The following RAB36 variants were observed in gnomAD, a reference collection of about 807,000 sequenced individuals.
RAB36 encodes RAB36, member RAS oncogene family.
In RAB36, 33 loss-of-function variants were observed where a neutral mutation model predicts 39.3. That is an observed-to-expected ratio of 0.84 (90% CI 0.64 to 1.12). The LOEUF is 1.12. Ranked by LOEUF, RAB36 falls within the 50% of genes most tolerant of loss-of-function variation. The pLI, the probability that RAB36 is intolerant of heterozygous loss-of-function variation, is 0.00. For synonymous variants in RAB36, 133 were observed against 140.2 expected (o/e 0.95, Z 0.36); for missense variants, 308 against 355.3 (o/e 0.87, Z 1.07).
At chr22:23,154,983 G>A (rs1331588342) in intron 5 of RAB36, among the ~76,000 whole-genome samples, 1 of 152,156 alleles carries the variant, frequency 6.6e-6, no homozygotes. Flanking sequence ...AAATTAGCCA[G>A]GCACAGTGGT....
At position 23,158,933 on chromosome 22, in the gene RAB36, C is replaced by T. The variant is rs1208533043; in HGVS notation, c.482C>T (p.Ala161Val). 1.9e-6 allele frequency: 3 copies of T among 1,614,090 alleles called. No individual in the cohort carries two copies. The highest frequency in any genetic ancestry group is 1.7e-6 in the Non-Finnish European group (2 of 1,180,022). The change falls in exon 8 of 11, where the codon GCA (alanine) becomes GTA (valine). Residue 161 changes from alanine (A) to valine (V), a missense_variant. Coordinates refer to ENST00000263116, the MANE Select transcript of RAB36 (RefSeq NM_004914.5). The stretch of plus-strand genomic sequence containing the variant: ...GAGGATGCTCTGAGGGAGAACGAGG[C>T]AGGCTCCTGCTTCATCTTCCTCGTG... ...WLEDALRENE[A>V]GSCFIFLVGT...
intron 3 of RAB36, 31 bp from the exon 4 acceptor site, chr22:23,152,430 C>T: frequency 6.8e-6 from 11 of 1,612,788 alleles, no homozygotes; most frequent in Non-Finnish European, 9.3e-6. Flanking sequence ...GGAAGGCATG[C>T]CCGACGGCAA....
Position 23,161,551 on chromosome 22 carries a change from T to TGGGCTGC in RAB36, c.792_798dup (p.Cys267GlyfsTer24), listed in dbSNP as rs756128191. ...CAGGAGAGCAAGAGGCCCTCCAGCC[T>TGGGCTGC]GGGCTGCTGCTAACTGGGGCCTGCG... On this transcript the variant is annotated frameshift_variant, in exon 11 of 11. Coordinates refer to ENST00000263116, the MANE Select transcript of RAB36 (RefSeq NM_004914.5). LOFTEE classifies it high-confidence loss of function. 6.2e-7 allele frequency: 1 copy of TGGGCTGC among 1,611,396 alleles called. No homozygotes were observed. The highest frequency in any genetic ancestry group is 8.5e-7 in the Non-Finnish European group (1 of 1,178,974).
chr22:23,160,965 G>A lies in RAB36; in HGVS notation c.706G>A (p.Ala236Thr), dbSNP rs1030081324. The A allele has an allele frequency of 3.7e-6, 6 of 1,613,000 alleles. No homozygotes were observed. The African/African-American group carries it at 6.7e-5, about 18-fold the overall frequency. ...GCAGGACCTGGAGAGGCAGAGCAGTGCCCGGCTCCAGGTCGGCAATGGAGA... is the reference window on the plus strand; with the variant it reads ...GCAGGACCTGGAGAGGCAGAGCAGTACCCGGCTCCAGGTCGGCAATGGAGA... ...VLQDLERQSSARLQVGNGDLI... is the reference protein window; with the variant it reads ...VLQDLERQSSTRLQVGNGDLI... Residue 236 changes from alanine to threonine, a missense_variant, in exon 10 of 11, where the codon GCC (alanine) becomes ACC (threonine). Ala to Thr is a moderately conservative substitution (Grantham distance 58). Coordinates refer to ENST00000263116, the MANE Select transcript of RAB36 (RefSeq NM_004914.5).
rs760006946 is a variant in RAB36, at chr22:23,158,956, G to GT, written c.506dup (p.Thr171AsnfsTer12). The stretch of plus-strand genomic sequence containing the variant: ...GGCAGGCTCCTGCTTCATCTTCCTC[G>GT]TGGGAACCAAGAAGGACCTTCTGGT... On this transcript the variant is annotated frameshift_variant, in exon 8 of 11. Transcript: ENST00000263116. LOFTEE classifies it high-confidence loss of function. The GT allele has an allele frequency of 4.3e-6, 7 of 1,614,200 alleles. No homozygotes were observed. Among genetic ancestry groups the GT allele is most frequent in the Non-Finnish European group, 5.9e-6 (7 of 1,180,014 alleles).
intron 7 of RAB36, 71 bp downstream of exon 7, chr22:23,158,114 C>G: frequency 6.3e-7 from 1 of 1,594,584 alleles, no homozygotes; most frequent in Middle Eastern, 1.7e-4. Flanking sequence ...CTCCCAGACC[C>G]TGGCCAGTGG....
chr22:23,161,076 G>T, intron 10 of RAB36, 78 bp downstream of exon 10: 1 of 1,505,246 alleles, frequency 6.6e-7, no homozygotes, highest in East Asian at 2.3e-5. Context: ...CTCGTCACCT[G>T]AGGCCTTGCC....
In RAB36 at chr22:23,159,181, C is replaced by G. The variant is rs775437560; in HGVS notation, c.547C>G (p.Gln183Glu). The G allele has an allele frequency of 6.2e-7, 1 of 1,611,174 alleles. No homozygotes were observed. Among genetic ancestry groups the G allele is most frequent in the Admixed American group, 1.7e-5 (1 of 59,764 alleles). The change falls in exon 9 of 11, where the codon CAG (glutamine) becomes GAG (glutamate). Residue 183 changes from glutamine to glutamate, a missense_variant. Coordinates refer to ENST00000263116, the MANE Select transcript of RAB36 (RefSeq NM_004914.5). ...KDLLSGAACE[Q>E]AEADAVHLAR... is the part of the protein sequence containing the mutation. ...CTCCCAGTCAGGGGCCGCATGTGAGCAGGCCGAAGCAGACGCTGTGCACCT... is the reference window on the plus strand; with the variant it reads ...CTCCCAGTCAGGGGCCGCATGTGAGGAGGCCGAAGCAGACGCTGTGCACCT...
chr22:23,158,753 C>T lies in RAB36; in HGVS notation c.447-145C>T, dbSNP rs1239137204. On this transcript the variant is annotated intron_variant, in intron 7 of 10. Transcript: ENST00000263116. ...CCCTTCCGGCTGGAGGTGCAGCATC[C>T]TGCTCAGCCAGTGTGGGCCAGGAAG... The T allele has an allele frequency of 9.9e-6, 7 of 709,422 alleles. No homozygotes were observed. In the Admixed American group the frequency reaches 1.3e-4, roughly 13 times the overall value. 43.9% of individuals were successfully genotyped at this position (709,422 alleles called of 1,614,324 possible).
rs558565581 is a variant in RAB36, at chr22:23,145,659, C to A, written c.-13+108C>A. On this transcript the variant is annotated intron_variant, in intron 1 of 10. Transcript: ENST00000263116. The stretch of plus-strand genomic sequence containing the variant: ...CACAGCGTCCGCGCCCACTTCCCGC[C>A]CCTATAACTTGAAAGCGGCCTGCGG... 17 of 1,280,410 alleles carry A rather than the reference C, an allele frequency of 1.3e-5. No individual in the cohort carries two copies. In the Admixed American group the frequency reaches 1.8e-4, roughly 14 times the overall value. 79.3% of individuals were successfully genotyped at this position (1,280,410 alleles called of 1,614,324 possible).
intron 5 of RAB36, 31 bp from the exon 6 acceptor site, chr22:23,155,937 C>A: frequency 6.3e-7 from 1 of 1,587,098 alleles, no homozygotes; most frequent in Non-Finnish European, 8.6e-7. Context: ...AGCCTGACAC[C>A]ATTTCCCTTT....
intron 6 of RAB36, among the ~76,000 whole-genome samples, chr22:23,156,925 T>C (rs1316515152): frequency 1.3e-5 from 2 of 152,128 alleles, no homozygotes; most frequent in Non-Finnish European, 2.9e-5. Context: ...GTTTCCCCCT[T>C]CCTTTCTCTT....
At position 23,146,607 on chromosome 22, in the gene RAB36, CTG is replaced by C. The variant is rs1376106412; in HGVS notation, c.-7_-6del. 2 of 1,613,776 alleles carry C rather than the reference CTG, an allele frequency of 1.2e-6. No homozygotes were observed. The highest frequency in any genetic ancestry group is 2.7e-5 in the African/African-American group (2 of 74,894). On this transcript the variant is annotated 5_prime_UTR_variant, in exon 2 of 11. Coordinates refer to ENST00000263116, the MANE Select transcript of RAB36 (RefSeq NM_004914.5). ...CTTTCTCCTGGTTGGGTCCACAGGA[CTG>C]TGGAAGAATGAGGTCCTCCCTGACA... is the stretch of plus-strand genomic sequence containing the variant.
At chr22:23,152,355 T>A in intron 3 of RAB36, 106 bp from the exon 4 acceptor site, 4 of 1,153,232 alleles carry the variant, frequency 3.5e-6, no homozygotes, top group Non-Finnish European at 5.2e-6. Flanking sequence ...TGTCCAGGAG[T>A]GAGGGGTGTC....
intron 2 of RAB36, 104 bp from the exon 3 acceptor site, chr22:23,149,959 C>T (rs2071007254): frequency 2.3e-6 from 2 of 877,330 alleles, no homozygotes; most frequent in African/African-American, 1.7e-5. Context: ...AGCTGTGAGG[C>T]CTAGGAAGGA....
chr22:23,153,397 C>T (rs2071274727), intron 5 of RAB36: 2 of 224,214 alleles, frequency 8.9e-6, no homozygotes, highest in Non-Finnish European at 1.5e-5. Flanking sequence ...CTCCCCAATG[C>T]CCACCCCACT....
intron 2 of RAB36, 65 bp from the exon 3 acceptor site, chr22:23,149,998 C>T (rs1232113276): frequency 7.6e-7 from 1 of 1,308,484 alleles, no homozygotes; most frequent in Non-Finnish European, 1.1e-6. Context: ...CCCCTCACTG[C>T]TTGGCTACGA....
chr22:23,153,182 C>T (rs1569209763), intron 5 of RAB36, 48 bp downstream of exon 5: 2 of 1,409,068 alleles, frequency 1.4e-6, no homozygotes, highest in African/African-American at 2.8e-5. Context: ...CCTACAGGCA[C>T]CTGAGAAAGG....
chr22:23,155,363 G>A (rs577460371), intron 5 of RAB36, among the ~76,000 whole-genome samples: 15 of 152,236 alleles, frequency 9.9e-5, no homozygotes, highest in Non-Finnish European at 1.3e-4. Context: ...ATCATTAATC[G>A]ATTGTTGTAC....
Sources: gnomAD v4.1 joint callset for allele counts (sites outside exome capture counted in the v4.1 genomes callset) on GRCh38, gnomAD v4.1.1 for gene constraint, MANE v1.5 for transcripts, NCBI Gene and HGNC (gene_info 2026-07-23, HGNC 2026-07-21) for gene names.